C14orf180: variants seen among roughly 807,000 people sequenced by gnomAD.
The protein encoded by C14orf180 is chromosome 14 open reading frame 180, also known as nutritionally-regulated adipose and cardiac enriched protein homolog.
C14orf180 carries 13 observed loss-of-function variants against 13.9 expected under a neutral mutation model. The ratio of observed to expected loss-of-function variants is 0.94; its 90% confidence interval spans 0.61 to 1.49. The LOEUF is 1.49. Ranked by LOEUF, C14orf180 falls within the 40% of genes most tolerant of loss-of-function variation. The probability of loss-of-function intolerance (pLI) is 0.00; values close to 1 mark genes in which losing one functional copy is unlikely to be tolerated. For missense variants in C14orf180, 238 were observed against 232.0 expected (o/e 1.03, Z -0.17); for synonymous variants, 113 against 106.3 (o/e 1.06, Z -0.39).
At position 104,589,004 on chromosome 14, in the gene C14orf180, T is replaced by C; in HGVS notation, c.*221T>C. 1.1e-6 allele frequency: 1 copy of C among 916,220 alleles called. No individual in the cohort carries two copies. Among genetic ancestry groups the C allele is most frequent in the Non-Finnish European group, 1.6e-6 (1 of 635,924 alleles). The allele number at this position is 916,220 out of a possible 1,614,324, so 56.8% of individuals were successfully genotyped here. ...CACACTAGTCAGCACAGCCCTCCTG[T>C]CTCCTGTGTTGGGTCCATGTGAGAT... On this transcript the variant is annotated 3_prime_UTR_variant, in exon 5 of 5. Transcript: ENST00000557649. The surrounding 1 kb of genome is among the most constrained non-coding windows in gnomAD (Gnocchi z 4.9).
rs7152786 is a variant in C14orf180 at position 104,586,526 on chromosome 14, G to T, written c.96G>T (p.Val32=). The T allele has an allele frequency of 6.5e-7, 1 of 1,542,948 alleles. No individual in the cohort carries two copies. Among genetic ancestry groups the T allele is most frequent in the Non-Finnish European group, 8.7e-7 (1 of 1,143,876 alleles). Residue 32 remains valine (V), a synonymous_variant, in exon 2 of 5, where the codon GTG becomes GTT. Coordinates refer to ENST00000557649, the MANE Select transcript of C14orf180 (RefSeq NM_001008404.3). ...AGGAGGCCGCGTGGGGCCCGCGGGT[G>T]TGCAGGGCAGAGAGGGTAAGGCGGG... The part of the protein sequence containing the change: ...KNEEAAWGPR[V]CRAEREDNRK...
intron 1 of C14orf180, 88 bp downstream of exon 1, chr14:104,580,091 G>A (rs989121951): frequency 6.6e-6 from 1 of 152,266 alleles, no homozygotes; most frequent in African/African-American, 2.4e-5. Flanking sequence ...GCAGGTGCAG[G>A]TGGGGAACCT....
chr14:104,586,507 C>T lies in C14orf180; in HGVS notation c.77C>T (p.Ala26Val). The change falls in exon 2 of 5, where the codon GCC becomes GTC. Residue 26 changes from alanine (A) to valine (V), a missense_variant. Physicochemically the swap from Ala to Val is moderately conservative, Grantham distance 64 (BLOSUM62 0). Transcript: ENST00000557649. ...TRRQTRKNEE[A>V]AWGPRVCRAE... ...CGTCAGACCAGAAAGAATGAGGAGG[C>T]CGCGTGGGGCCCGCGGGTGTGCAGG... is the stretch of plus-strand genomic sequence containing the variant. 1 of 1,547,318 alleles carries T rather than the reference C, an allele frequency of 6.5e-7. No homozygotes were observed. Among genetic ancestry groups the T allele is most frequent in the Non-Finnish European group, 8.7e-7 (1 of 1,145,822 alleles).
At position 104,589,751 on chromosome 14, in the gene C14orf180, G is replaced by C. The variant is rs1053754102; in HGVS notation, c.*968G>C. On this transcript the variant is annotated 3_prime_UTR_variant, in exon 5 of 5. Coordinates refer to ENST00000557649, the MANE Select transcript of C14orf180 (RefSeq NM_001008404.3). The surrounding 1 kb of genome is among the most constrained non-coding windows in gnomAD (Gnocchi z 4.9). ...AGCGTCCTCGAGGTTAGCCTGAGGC[G>C]GGTGGGCACGGCCGACCATCCACCC... 6.6e-6 allele frequency: 1 copy of C among 152,270 alleles called. No individual in the cohort carries two copies. Among genetic ancestry groups the C allele is most frequent in the African/African-American group, 2.4e-5 (1 of 41,444 alleles). The allele number at this position is 152,270 out of a possible 1,614,324, so 9.4% of individuals were successfully genotyped here. A position where few individuals can be genotyped will look rare whatever the true frequency, so the allele number is the denominator to read the frequency against.
chr14:104,580,550 G>C lies in C14orf180; in HGVS notation c.-17+547G>C, dbSNP rs758726052. On this transcript the variant is annotated intron_variant, in intron 1 of 4. Transcript: ENST00000557649. ...CCAGCCTTCCCTGAAGGGCCTTGGT[G>C]GGGGGCATCCTCCGAGGGCAAGTCT... is the stretch of plus-strand genomic sequence containing the variant. Among the ~76,000 whole-genome samples the C allele has an allele frequency of 3.3e-5, 5 of 152,158 alleles. No individual in the cohort carries two copies. In the South Asian group the frequency reaches 6.2e-4, roughly 19 times the overall value.
At chr14:104,584,777 T>C (rs1886561172) in intron 1 of C14orf180, among the ~76,000 whole-genome samples, 1 of 152,248 alleles carries the variant, frequency 6.6e-6, no homozygotes, top group Non-Finnish European at 1.5e-5. Flanking sequence ...GATCCGGCGA[T>C]AGCAGAAAAT....
chr14:104,588,122 C>A, intron 3 of C14orf180, 152 bp from the exon 4 acceptor site: 1 of 984,778 alleles, frequency 1.0e-6, no homozygotes, highest in Non-Finnish European at 1.6e-6. Flanking sequence ...CATGACTGTC[C>A]CTTTGAGGAA....
intron 1 of C14orf180, among the ~76,000 whole-genome samples, chr14:104,580,943 C>T (rs34024274): frequency 0.13 from 20,552 of 152,252 alleles, 2,110 homozygotes; most frequent in East Asian, 0.56. Context: ...AACTGCACCT[C>T]GGGATGTGAG....
intron 1 of C14orf180, among the ~76,000 whole-genome samples, chr14:104,582,021 A>AGTGCCAGGCGAGGGGTGAG (rs1886454947): frequency 8.0e-5 from 11 of 137,396 alleles, no homozygotes; most frequent in African/African-American, 3.9e-4. Flanking sequence ...CCGAGGAAGG[A>AGTGCCAGGCGAGGGGTGAG]CCTCCCATGT....
intron 1 of C14orf180, chr14:104,581,644 A>T (rs1886436945): frequency 6.8e-6 from 1 of 146,122 alleles, no homozygotes; most frequent in African/African-American, 2.8e-5. Flanking sequence ...GGGCAGAGAG[A>T]GAGAGAGAGA....
rs1052404047 is a variant in C14orf180 at position 104,588,801 on chromosome 14, ACGGGCAGGG to A, written c.*20_*28del. Reference sequence around the variant, plus strand: ...GGCTCTGACGGGCAGGACGGGCAGGACGGGCAGGGCTTCCAGGAGAGCTCAAGCACTCCG... The same window carrying A: ...GGCTCTGACGGGCAGGACGGGCAGGACTTCCAGGAGAGCTCAAGCACTCCG... On this transcript the variant is annotated 3_prime_UTR_variant, in exon 5 of 5. Coordinates refer to ENST00000557649, the MANE Select transcript of C14orf180 (RefSeq NM_001008404.3). 6 of 1,183,678 alleles carry A rather than the reference ACGGGCAGGG, an allele frequency of 5.1e-6. No homozygotes were observed. The African/African-American group carries it at 1.1e-4, about 22-fold the overall frequency. The allele number at this position is 1,183,678 out of a possible 1,614,324, so 73.3% of individuals were successfully genotyped here. A position where few individuals can be genotyped will look rare whatever the true frequency, so the allele number is the denominator to read the frequency against.
rs1272407745 is a variant in C14orf180 at position 104,587,789 on chromosome 14, G to A, written c.152G>A (p.Ser51Asn). ...RKCPPSILKR[S>N]RPEHHRPEAK... ...TGCCCCCCCTCCATCCTGAAACGGA[G>A]CCGGCCGGAGCACCACCGCCCAGAG... The change falls in exon 3 of 5, where the codon AGC (serine) becomes AAC (asparagine). Residue 51 changes from serine to asparagine, a missense_variant. Ser to Asn is a conservative substitution (Grantham distance 46, BLOSUM62 1). Transcript: ENST00000557649. 1 of 1,612,564 alleles carries A rather than the reference G, an allele frequency of 6.2e-7. No individual in the cohort carries two copies. The highest frequency in any genetic ancestry group is 1.1e-5 in the South Asian group (1 of 90,808).
chr14:104,587,766 C>T lies in C14orf180; in HGVS notation c.129C>T (p.Cys43=), dbSNP rs1886678342. 5.0e-6 allele frequency: 8 copies of T among 1,611,102 alleles called. No homozygotes were observed. Among genetic ancestry groups the T allele is most frequent in the African/African-American group, 1.3e-5 (1 of 74,760 alleles). Residue 43 remains cysteine, a synonymous_variant, in exon 3 of 5, where the codon TGC becomes TGT. Coordinates refer to ENST00000557649, the MANE Select transcript of C14orf180 (RefSeq NM_001008404.3). ...CRAEREDNRK[C]PPSILKRSRP... is the part of the protein sequence containing the mutation. ...CACACCAGGAGGACAACAGGAAGTG[C>T]CCCCCCTCCATCCTGAAACGGAGCC...
rs191863595 is a variant in C14orf180 at position 104,589,344 on chromosome 14, C to G, written c.*561C>G. On this transcript the variant is annotated 3_prime_UTR_variant, in exon 5 of 5. Coordinates refer to ENST00000557649, the MANE Select transcript of C14orf180 (RefSeq NM_001008404.3). This position sits in a 1 kb window ranked among gnomAD's most constrained non-coding sequence, Gnocchi z 4.9. The stretch of plus-strand genomic sequence containing the variant: ...TCTGAGCCCAGGTCTGACCCCCCTA[C>G]CCAGCCCCGTGAGTCTGGAGAGGCC... 9.0e-3 allele frequency: 1,411 copies of G among 156,446 alleles called. 18 individuals are homozygous for G. Among genetic ancestry groups the G allele is most frequent in the African/African-American group, 0.025 (1,024 of 41,672 alleles). 9.7% of individuals were successfully genotyped at this position (156,446 alleles called of 1,614,324 possible).
chr14:104,589,100 C>T lies in C14orf180; in HGVS notation c.*317C>T. 1 of 510,376 alleles carries T rather than the reference C, an allele frequency of 2.0e-6. No homozygotes were observed. The highest frequency in any genetic ancestry group is 3.4e-6 in the Non-Finnish European group (1 of 297,566). The allele number at this position is 510,376 out of a possible 1,614,324, so 31.6% of individuals were successfully genotyped here. A position where few individuals can be genotyped will look rare whatever the true frequency, so the allele number is the denominator to read the frequency against. ...GCTCACCCAAAGACCCCTCCCTCGT[C>T]CCAGCAGGAACTCCTGCTGCTGCTA... On this transcript the variant is annotated 3_prime_UTR_variant, in exon 5 of 5. Coordinates refer to ENST00000557649, the MANE Select transcript of C14orf180 (RefSeq NM_001008404.3). This position sits in a 1 kb window ranked among gnomAD's most constrained non-coding sequence, Gnocchi z 4.9.
intron 1 of C14orf180, among the ~76,000 whole-genome samples, chr14:104,582,320 G>A (rs891934048): frequency 5.9e-5 from 9 of 151,844 alleles, no homozygotes; most frequent in African/African-American, 2.2e-4. Flanking sequence ...CCGCCCCCAC[G>A]CCCCACTGCA....
intron 1 of C14orf180, among the ~76,000 whole-genome samples, chr14:104,584,629 C>T (rs12878336): frequency 0.14 from 20,673 of 152,090 alleles, 2,112 homozygotes; most frequent in East Asian, 0.56. Flanking sequence ...GGAGACGGGG[C>T]CCCAGCTCAG....
intron 4 of C14orf180, 38 bp from the exon 5 acceptor site, chr14:104,588,540 G>C: frequency 6.9e-7 from 1 of 1,441,310 alleles, no homozygotes; most frequent in East Asian, 2.5e-5. Flanking sequence ...GAAGGGTCGC[G>C]CTGGCTGGCG....
chr14:104,587,829 G>A lies in C14orf180; in HGVS notation c.192G>A (p.Arg64=), dbSNP rs1335374425. Residue 64 remains arginine, a synonymous_variant, in exon 3 of 5, where the codon AGG becomes AGA. Transcript: ENST00000557649. ...EHHRPEAKPQ[R]TSRRVWFREP... is the part of the protein sequence containing the mutation. ...ACCGCCCAGAGGCCAAGCCCCAGAG[G>A]ACCTCGAGGCGCGTGTGGTTCCGAG... 2 of 1,611,992 alleles carry A rather than the reference G, an allele frequency of 1.2e-6. No individual in the cohort carries two copies. The highest frequency in any genetic ancestry group is 2.7e-5 in the African/African-American group (2 of 74,888).
Sources: gnomAD v4.1 joint callset for allele counts (sites outside exome capture counted in the v4.1 genomes callset) on GRCh38, gnomAD v4.1.1 for gene constraint, Gnocchi (gnomAD v3.1) non-coding constraint, MANE v1.5 for transcripts, NCBI Gene and HGNC (gene_info 2026-07-23, HGNC 2026-07-21) for gene names.